Variants in KSR2 observed in about 807,000 individuals in gnomAD.
KSR2 encodes kinase suppressor of ras 2.
Under a neutral mutation model 107.8 loss-of-function variants are expected in KSR2, and 25 were observed. The ratio of observed to expected loss-of-function variants is 0.23; its 90% CI spans 0.17 to 0.32. KSR2 has a LOEUF of 0.32. KSR2 is among the 10% of genes least tolerant of loss of function. The probability of loss-of-function intolerance (pLI) is 1.00; values close to 1 mark genes in which losing one functional copy is unlikely to be tolerated. For synonymous variants in KSR2, 480 were observed against 507.0 expected, an observed-to-expected ratio of 0.95 and a Z score of 0.71; for missense variants, 887 against 1,268.9, an observed-to-expected ratio of 0.70 and a Z score of 4.57.
At chr12:117,772,105 C>T (rs114152281) in intron 3 of KSR2, among the ~76,000 whole-genome samples, 3,809 of 148,492 alleles carry the variant, frequency 0.026, 185 homozygotes, top group East Asian at 0.17. Flanking sequence ...CACACATACA[C>T]ACCTTTCCCC....
intron 3 of KSR2, among the ~76,000 whole-genome samples, chr12:117,850,683 G>A (rs2723275): frequency 0.42 from 63,036 of 151,676 alleles, 13,603 homozygotes; most frequent in Admixed American, 0.52. Context: ...GGTGGCACAC[G>A]CCTGTAGTCC....
intron 1 of KSR2, among the ~76,000 whole-genome samples, chr12:117,932,172 G>A (rs1340913834): frequency 4.0e-5 from 6 of 151,886 alleles, no homozygotes; most frequent in East Asian, 1.9e-4. Flanking sequence ...CTGTAATCTC[G>A]GCTATTCAGG....
At chr12:117,651,173 G>A (rs993213269) in intron 5 of KSR2, among the ~76,000 whole-genome samples, 2 of 152,184 alleles carry the variant, frequency 1.3e-5, no homozygotes, top group African/African-American at 4.8e-5. Context: ...CCCAACCCAT[G>A]CTGCCATCAG....
chr12:117,625,510 G>C (rs969294249), intron 5 of KSR2, among the ~76,000 whole-genome samples: 3 of 152,168 alleles, frequency 2.0e-5, no homozygotes, highest in African/African-American at 7.2e-5. Flanking sequence ...TGCATTTATT[G>C]ATTTGCATAT....
intron 5 of KSR2, among the ~76,000 whole-genome samples, chr12:117,612,352 C>T (rs1246094114): frequency 2.0e-5 from 3 of 150,608 alleles, no homozygotes; most frequent in South Asian, 2.1e-4. Context: ...TTCAGTGAGC[C>T]GAGATCGCAC....
At chr12:117,962,396 C>G (rs933203802) in intron 1 of KSR2, among the ~76,000 whole-genome samples, 1 of 151,848 alleles carries the variant, frequency 6.6e-6, no homozygotes, top group African/African-American at 2.4e-5. Context: ...AAGCTACAGC[C>G]CATGGGCCCA....
chr12:117,841,086 T>A (rs1269588946), intron 3 of KSR2, among the ~76,000 whole-genome samples: 1 of 151,624 alleles, frequency 6.6e-6, no homozygotes, highest in Non-Finnish European at 1.5e-5. Flanking sequence ...TCCCAAACAA[T>A]AGCTTGGGTA....
intron 5 of KSR2, among the ~76,000 whole-genome samples, chr12:117,641,979 G>A (rs1883383989): frequency 1.3e-5 from 2 of 152,134 alleles, no homozygotes; most frequent in South Asian, 2.1e-4. Context: ...AGCTCTTTCA[G>A]CAGAGGCTAT....
At chr12:117,949,104 A>G (rs915982938) in intron 1 of KSR2, among the ~76,000 whole-genome samples, 1 of 152,166 alleles carries the variant, frequency 6.6e-6, no homozygotes, top group African/African-American at 2.4e-5. Context: ...CAAAAAATAA[A>G]TAAATCAAAA....
At chr12:117,867,708 T>C (rs998733436) in intron 1 of KSR2, among the ~76,000 whole-genome samples, 1 of 152,192 alleles carries the variant, frequency 6.6e-6, no homozygotes, top group African/African-American at 2.4e-5. Flanking sequence ...CTAGCGCAGT[T>C]GACAGCCAAC....
intron 3 of KSR2, among the ~76,000 whole-genome samples, chr12:117,807,841 C>T (rs952963847): frequency 2.6e-5 from 4 of 152,182 alleles, no homozygotes; most frequent in African/African-American, 9.7e-5. Flanking sequence ...ACAAGAATAA[C>T]AACACCTGAA....
At chr12:117,881,961 C>T (rs1458483225) in intron 1 of KSR2, among the ~76,000 whole-genome samples, 1 of 152,196 alleles carries the variant, frequency 6.6e-6, no homozygotes, top group African/African-American at 2.4e-5. Context: ...TTCAGGGCTG[C>T]TCCAAAGAGA....
At chr12:117,805,105 G>A (rs1325088773) in intron 3 of KSR2, among the ~76,000 whole-genome samples, 2 of 152,204 alleles carry the variant, frequency 1.3e-5, no homozygotes, top group African/African-American at 4.8e-5. Flanking sequence ...ACTGGGATGA[G>A]TTGATCACTC....
At chr12:117,892,400 A>C (rs1894372846) in intron 1 of KSR2, among the ~76,000 whole-genome samples, 1 of 152,158 alleles carries the variant, frequency 6.6e-6, no homozygotes, top group South Asian at 2.1e-4. Context: ...CTCTCACAAC[A>C]CATTATCTCC....
At chr12:117,674,282 C>G (rs534574056) in intron 4 of KSR2, 6 of 508,920 alleles carry the variant, frequency 1.2e-5, no homozygotes, top group Non-Finnish European at 2.4e-5. Context: ...CTTCTTCTCA[C>G]CTGGGCTGCC....
At chr12:117,467,308 T>C in intron 19 of KSR2, 103 bp from the exon 20 acceptor site, 1 of 575,194 alleles carries the variant, frequency 1.7e-6, no homozygotes, top group South Asian at 2.4e-5. Flanking sequence ...TGGCTTGAGA[T>C]GAACTGTTCC....
chr12:117,773,575 G>A (rs1292757490), intron 3 of KSR2, among the ~76,000 whole-genome samples: 2 of 152,154 alleles, frequency 1.3e-5, no homozygotes, highest in African/African-American at 4.8e-5. Context: ...AGAAGTGACA[G>A]AGAGTCTACC....
intron 14 of KSR2, among the ~76,000 whole-genome samples, chr12:117,504,927 C>A (rs971736962): frequency 1.3e-5 from 2 of 152,114 alleles, no homozygotes; most frequent in Non-Finnish European, 2.9e-5. Flanking sequence ...CTCCCCATTC[C>A]GAGTCTCCAA....
intron 1 of KSR2, among the ~76,000 whole-genome samples, chr12:117,947,087 G>T (rs1460405792): frequency 6.6e-6 from 1 of 151,664 alleles, no homozygotes; most frequent in South Asian, 2.1e-4. Flanking sequence ...AGAATCACTT[G>T]AACCCAGGAG....
Sources: allele counts gnomAD v4.1 joint callset (sites outside exome capture counted in the v4.1 genomes callset), GRCh38; gene constraint gnomAD v4.1.1; transcripts MANE v1.5; gene names NCBI Gene and HGNC (gene_info 2026-07-23, HGNC 2026-07-21).